Variants in PRDM2 observed in about 807,000 individuals in gnomAD.
PRDM2 encodes the protein PR/SET domain 2.
PRDM2 carries 30 observed loss-of-function variants against 130.0 expected under a neutral mutation model. The observed-to-expected ratio is 0.23, with a 90% CI of 0.17 to 0.31. The LOEUF is 0.31. Ranked by LOEUF, PRDM2 falls within the 10% of genes least tolerant of loss-of-function variation. The probability of loss-of-function intolerance (pLI) is 1.00; values close to 1 mark genes in which losing one functional copy is unlikely to be tolerated. For missense variants in PRDM2, 2,011 were observed against 2,108.4 expected (o/e 0.95, Z 0.90); for synonymous variants, 871 against 782.4 (o/e 1.11, Z -1.89).
chr1:13,748,441 CTTCA>C (rs893483895), intron 5 of PRDM2, among the ~76,000 whole-genome samples: 3 of 152,152 alleles, frequency 2.0e-5, no homozygotes, highest in African/African-American at 7.2e-5. Flanking sequence ...TCCTTCCTTT[CTTCA>C]TTCATTCACA....
At chr1:13,758,639 C>A (rs898793920) in intron 6 of PRDM2, among the ~76,000 whole-genome samples, 8 of 151,886 alleles carry the variant, frequency 5.3e-5, no homozygotes, top group African/African-American at 1.9e-4. Flanking sequence ...AAACTTGGTG[C>A]GTATATTAAG....
Position 13,780,302 on chromosome 1 carries a change from G to T in PRDM2, c.2507G>T (p.Gly836Val), listed in dbSNP as rs182761001. Residue 836 changes from glycine to valine, a missense_variant, in exon 8 of 10, where the codon GGT (glycine) becomes GTT (valine). By Grantham distance (109) the Gly-to-Val change is moderately radical (BLOSUM62 -3). This residue lies in a region of PRDM2 where 1,288 missense variants were observed against 1,237.7 expected (regional missense o/e 1.04). Transcript: ENST00000311066. ...LSSGVKQKAE[G>V]TGKTPVQWES... ...AGCGGTGTCAAACAGAAGGCTGAGG[G>T]TACAGGCAAGACTCCAGTCCAGTGG... 4.3e-6 allele frequency: 7 copies of T among 1,614,166 alleles called. No individual in the cohort carries two copies. In the African/African-American group the frequency reaches 8.0e-5, roughly 18 times the overall value.
At chr1:13,819,321 G>A (rs905060238) in intron 9 of PRDM2, among the ~76,000 whole-genome samples, 7 of 152,332 alleles carry the variant, frequency 4.6e-5, no homozygotes, top group African/African-American at 1.7e-4. Context: ...ACTGTCCTAG[G>A]TGATGGCCTT....
At chr1:13,768,078 T>TG (rs1354584312) in intron 6 of PRDM2, among the ~76,000 whole-genome samples, 1 of 146,960 alleles carries the variant, frequency 6.8e-6, no homozygotes, top group Non-Finnish European at 1.5e-5. Flanking sequence ...CCTTGAGTTT[T>TG]TTTTTTTTTT....
At chr1:13,812,038 G>T (rs1172627232) in intron 8 of PRDM2, among the ~76,000 whole-genome samples, 1 of 152,224 alleles carries the variant, frequency 6.6e-6, no homozygotes, top group Non-Finnish European at 1.5e-5. Context: ...AGCACTCTGT[G>T]TGGGAAGGCT....
chr1:13,726,680 C>T (rs991904207), intron 2 of PRDM2, among the ~76,000 whole-genome samples: 2 of 152,186 alleles, frequency 1.3e-5, no homozygotes, highest in African/African-American at 4.8e-5. Context: ...ATTAAATTGA[C>T]TTAAATTTAA....
intron 8 of PRDM2, among the ~76,000 whole-genome samples, chr1:13,808,263 G>A (rs1488339854): frequency 6.6e-6 from 1 of 152,106 alleles, no homozygotes; most frequent in Non-Finnish European, 1.5e-5. Flanking sequence ...AGGCCGAGGC[G>A]GGCGGATCAC....
intron 4 of PRDM2, among the ~76,000 whole-genome samples, chr1:13,738,548 G>A (rs1252722369): frequency 3.3e-5 from 5 of 152,136 alleles, no homozygotes; most frequent in South Asian, 2.1e-4. Flanking sequence ...CTGTTAGTGC[G>A]GCTTCAAGGG....
intron 6 of PRDM2, 50 bp downstream of exon 6, chr1:13,749,537 GGACGCC>G (rs1424191924): frequency 8.5e-7 from 1 of 1,174,350 alleles, no homozygotes. Context: ...CGCCCGCCCA[GGACGCC>G]GCCCTGCCGC....
At chr1:13,793,033 C>G (rs1175114308) in intron 8 of PRDM2, among the ~76,000 whole-genome samples, 2 of 152,236 alleles carry the variant, frequency 1.3e-5, no homozygotes, top group East Asian at 3.8e-4. Flanking sequence ...ATGTACATAA[C>G]TGTTGTGTCC....
At chr1:13,805,063 C>G (rs745521017) in intron 8 of PRDM2, among the ~76,000 whole-genome samples, 78 of 152,188 alleles carry the variant, frequency 5.1e-4, no homozygotes, top group Non-Finnish European at 9.8e-4. Flanking sequence ...CTTTATTTCT[C>G]TGAGCCTCAG....
At chr1:13,773,210 G>T (rs1276214054) in intron 7 of PRDM2, 22 bp downstream of exon 7, 2 of 1,423,390 alleles carry the variant, frequency 1.4e-6, no homozygotes, top group African/African-American at 1.4e-5. Context: ...ATATTGGCTT[G>T]GTCTGAATTG....
Position 13,780,155 on chromosome 1 carries a change from C to G in PRDM2, c.2360C>G (p.Ser787Cys). 6.2e-7 allele frequency: 1 copy of G among 1,605,022 alleles called. No individual in the cohort carries two copies. Among genetic ancestry groups the G allele is most frequent in the Non-Finnish European group, 8.5e-7 (1 of 1,174,754 alleles). Residue 787 changes from serine (S) to cysteine (C), a missense_variant, in exon 8 of 10, where the codon TCT (serine) becomes TGT (cysteine). This residue lies in a region of PRDM2 where 1,288 missense variants were observed against 1,237.7 expected (regional missense o/e 1.04). Transcript: ENST00000311066. ...SHSDSPAWSL[S>C]GRDERETVSP... ...AGCGACTCACCAGCATGGAGTTTGTCTGGGAGAGATGAGAGAGAAACTGTG... is the reference window on the plus strand; with the variant it reads ...AGCGACTCACCAGCATGGAGTTTGTGTGGGAGAGATGAGAGAGAAACTGTG...
intron 6 of PRDM2, among the ~76,000 whole-genome samples, chr1:13,762,618 C>A (rs1644125587): frequency 6.6e-6 from 1 of 152,150 alleles, no homozygotes; most frequent in Non-Finnish European, 1.5e-5. Context: ...TTACTTTACC[C>A]CTATATTGGC....
chr1:13,700,619 G>C (rs1467217973), intron 1 of PRDM2, among the ~76,000 whole-genome samples: 2 of 151,642 alleles, frequency 1.3e-5, no homozygotes, highest in African/African-American at 4.8e-5. Flanking sequence ...GGACGCGTGC[G>C]GGCTGCAGAG....
intron 2 of PRDM2, among the ~76,000 whole-genome samples, chr1:13,730,278 T>C (rs893320497): frequency 4.6e-5 from 7 of 152,218 alleles, no homozygotes; most frequent in Non-Finnish European, 8.8e-5. Flanking sequence ...CTTCCTTACA[T>C]ACATATCTAA....
At chr1:13,770,194 A>T in intron 6 of PRDM2, 1 of 343,712 alleles carries the variant, frequency 2.9e-6, no homozygotes. Flanking sequence ...TTTAAAGAGG[A>T]CACCTGGAGA....
chr1:13,783,551 TC>T (rs1458113418), intron 8 of PRDM2, among the ~76,000 whole-genome samples: 1 of 152,176 alleles, frequency 6.6e-6, no homozygotes, highest in African/African-American at 2.4e-5. Context: ...TGCCTTTGTT[TC>T]CCCAGTAATG....
chr1:13,790,609 TA>T (rs1644824160), intron 8 of PRDM2, among the ~76,000 whole-genome samples: 1 of 152,064 alleles, frequency 6.6e-6, no homozygotes, highest in East Asian at 1.9e-4. Flanking sequence ...ATAAGAAAAA[TA>T]AAGGTCCAGA....
Sources: gnomAD v4.1 joint callset for allele counts (sites outside exome capture counted in the v4.1 genomes callset) on GRCh38, gnomAD v4.1.1 for gene constraint, gnomAD v4.1.1 regional missense constraint, MANE v1.5 for transcripts, NCBI Gene and HGNC (gene_info 2026-07-23, HGNC 2026-07-21) for gene names.